The following KALRN variants were observed in gnomAD, a reference collection of about 807,000 sequenced individuals.
KALRN encodes kalirin RhoGEF kinase.
In KALRN, 70 loss-of-function variants were observed where a neutral mutation model predicts 353.7. The observed-to-expected ratio is 0.20, with a 90% confidence interval of 0.16 to 0.24. KALRN has a LOEUF of 0.24. KALRN is among the 10% of genes least tolerant of loss of function. KALRN has a pLI of 1.00. For missense variants in KALRN, 2,791 were observed against 3,756.7 expected (o/e 0.74, Z 6.72); for synonymous variants, 1,391 against 1,434.8 (o/e 0.97, Z 0.69).
chr3:124,069,263 C>T (rs2042635249), intron 1 of KALRN, among the ~76,000 whole-genome samples: 1 of 146,560 alleles, frequency 6.8e-6, no homozygotes, highest in Non-Finnish European at 1.5e-5. Flanking sequence ...CTGTAGTCCA[C>T]ATTCTTTCTA....
chr3:124,556,723 T>C (rs978414731), intron 33 of KALRN, among the ~76,000 whole-genome samples: 1 of 152,206 alleles, frequency 6.6e-6, no homozygotes, highest in Admixed American at 6.5e-5. Flanking sequence ...ATTGTTGATG[T>C]TATCATTACT....
intron 51 of KALRN, among the ~76,000 whole-genome samples, chr3:124,680,079 C>A (rs1014975026): frequency 4.6e-5 from 7 of 152,222 alleles, no homozygotes; most frequent in African/African-American, 1.7e-4. Context: ...GTAATTGTAG[C>A]AACTCCAGAG....
intron 47 of KALRN, among the ~76,000 whole-genome samples, chr3:124,669,477 G>A (rs1213427702): frequency 6.6e-6 from 1 of 152,180 alleles, no homozygotes; most frequent in African/African-American, 2.4e-5. Context: ...ATTTTCAAAT[G>A]TTTTAGCACA....
intron 34 of KALRN, among the ~76,000 whole-genome samples, chr3:124,598,347 G>A (rs1235706369): frequency 5.3e-5 from 8 of 152,176 alleles, no homozygotes; most frequent in African/African-American, 1.7e-4. Flanking sequence ...GGGGCTTCCC[G>A]TAGCCAGGTG....
intron 6 of KALRN, among the ~76,000 whole-genome samples, chr3:124,310,653 T>C (rs1262605437): frequency 4.6e-5 from 7 of 152,182 alleles, no homozygotes; most frequent in Non-Finnish European, 1.0e-4. Flanking sequence ...CCAATATCAT[T>C]TTATGGGGAA....
chr3:124,111,254 A>G (rs897890889), intron 1 of KALRN, among the ~76,000 whole-genome samples: 1 of 152,228 alleles, frequency 6.6e-6, no homozygotes, highest in East Asian at 1.9e-4. Context: ...CATATGTTAC[A>G]TGCAGAACCG....
chr3:124,152,596 T>TC (rs1469644499), intron 1 of KALRN: 31 of 104,262 alleles, frequency 3.0e-4, no homozygotes, highest in Admixed American at 3.7e-4. Context: ...TTTCTTTCTT[T>TC]TTTTTTTTTT....
intron 37 of KALRN, among the ~76,000 whole-genome samples, chr3:124,640,603 T>C (rs1455135550): frequency 6.6e-6 from 1 of 152,098 alleles, no homozygotes; most frequent in Non-Finnish European, 1.5e-5. Context: ...TATTATTCTA[T>C]TCTAAATGCA....
chr3:124,453,787 A>T (rs1298729191), intron 21 of KALRN, among the ~76,000 whole-genome samples: 1 of 152,110 alleles, frequency 6.6e-6, no homozygotes, highest in Admixed American at 6.5e-5. Flanking sequence ...CATTCCCATG[A>T]CTTACCCAGC....
chr3:124,330,455 A>AT (rs1426196051), intron 8 of KALRN, among the ~76,000 whole-genome samples: 1 of 152,138 alleles, frequency 6.6e-6, no homozygotes, highest in Non-Finnish European at 1.5e-5. Flanking sequence ...TTAAAAAAAG[A>AT]TTAATTTTCT....
chr3:124,459,505 A>T (rs1177724393), intron 23 of KALRN, among the ~76,000 whole-genome samples: 2 of 152,078 alleles, frequency 1.3e-5, no homozygotes, highest in Non-Finnish European at 2.9e-5. Flanking sequence ...AAAAGTCCTG[A>T]CTCCAGGTAG....
At chr3:124,626,849 G>A (rs186387076) in intron 34 of KALRN, among the ~76,000 whole-genome samples, 95 of 152,348 alleles carry the variant, frequency 6.2e-4, no homozygotes, top group African/African-American at 2.2e-3. Flanking sequence ...TACATGTGTG[G>A]TGGAGTCAGA....
intron 1 of KALRN, among the ~76,000 whole-genome samples, chr3:124,221,063 G>A (rs1319278542): frequency 6.6e-6 from 1 of 152,166 alleles, no homozygotes; most frequent in Non-Finnish European, 1.5e-5. Flanking sequence ...CATCTTTGCC[G>A]ATGCCTCCCC....
At chr3:124,395,628 AC>A (rs571863661) in intron 12 of KALRN, 264 of 407,270 alleles carry the variant, frequency 6.5e-4, no homozygotes, top group Admixed American at 1.4e-3. Flanking sequence ...GACAAAAAAA[AC>A]AAAAGTAAAA....
At chr3:124,084,344 G>T (rs2060696089) in intron 1 of KALRN, among the ~76,000 whole-genome samples, 2 of 152,128 alleles carry the variant, frequency 1.3e-5, no homozygotes, top group South Asian at 4.2e-4. Context: ...CTGGGCCTTG[G>T]CCTCTGCCTT....
At chr3:124,161,073 T>A (rs1305703682) in intron 1 of KALRN, among the ~76,000 whole-genome samples, 1 of 152,170 alleles carries the variant, frequency 6.6e-6, no homozygotes, top group African/African-American at 2.4e-5. Flanking sequence ...TGTGAAAATG[T>A]GAATGGACTG....
intron 15 of KALRN, among the ~76,000 whole-genome samples, chr3:124,424,560 T>C (rs2092934863): frequency 6.6e-6 from 1 of 152,156 alleles, no homozygotes; most frequent in Non-Finnish European, 1.5e-5. Context: ...TAAAGATCTG[T>C]ATTCAGCACA....
chr3:124,059,595 C>T (rs1027547278), intron 1 of KALRN, among the ~76,000 whole-genome samples: 3 of 152,166 alleles, frequency 2.0e-5, no homozygotes, highest in African/African-American at 7.2e-5. Flanking sequence ...TTTTAACAAA[C>T]CACAGTTACT....
intron 1 of KALRN, 22 bp from the exon 2 acceptor site, chr3:124,227,968 C>T: frequency 1.9e-6 from 3 of 1,606,624 alleles, no homozygotes; most frequent in Non-Finnish European, 2.6e-6. Context: ...ACCCTGATTC[C>T]TTCTGGTTTG....
Sources: gnomAD v4.1 joint callset for allele counts (sites outside exome capture counted in the v4.1 genomes callset) on GRCh38, gnomAD v4.1.1 for gene constraint, MANE v1.5 for transcripts, NCBI Gene and HGNC (gene_info 2026-07-23, HGNC 2026-07-21) for gene names.